OSBP2: variants seen among roughly 807,000 people sequenced by gnomAD.
The protein encoded by OSBP2 is oxysterol-binding protein 2.
OSBP2 carries 66 observed loss-of-function variants against 96.0 expected under a neutral mutation model. The observed-to-expected ratio is 0.69, with a 90% CI of 0.56 to 0.84. The LOEUF (loss-of-function observed/expected upper bound fraction) is 0.84. OSBP2 is among the 40% of genes least tolerant of loss of function. The pLI is 0.00. For synonymous variants in OSBP2, 525 were observed against 520.9 expected, an observed-to-expected ratio of 1.01 and a Z score of -0.11; for missense variants, 1,038 against 1,222.7, an observed-to-expected ratio of 0.85 and a Z score of 2.25.
chr22:30,787,300 G>A (rs2090604631), intron 2 of OSBP2, among the ~76,000 whole-genome samples: 1 of 152,204 alleles, frequency 6.6e-6, no homozygotes, highest in South Asian at 2.1e-4. Flanking sequence ...GCGGCAGGAA[G>A]GAGACGAATG....
chr22:30,810,692 T>C (rs2090994417), intron 2 of OSBP2, among the ~76,000 whole-genome samples: 1 of 152,152 alleles, frequency 6.6e-6, no homozygotes, highest in Admixed American at 6.5e-5. Context: ...CCCGTCACCA[T>C]GGGCGGCTCT....
At chr22:30,694,189 T>C, upstream of OSBP2, 3 of 1,550,186 alleles carry the variant, frequency 1.9e-6, no homozygotes, top group Non-Finnish European at 2.6e-6. Context: ...TTACAAAAAG[T>C]CTTCCCCTAT....
At chr22:30,905,131 C>T (rs1463452376) in intron 12 of OSBP2, among the ~76,000 whole-genome samples, 1 of 130,174 alleles carries the variant, frequency 7.7e-6, no homozygotes, top group African/African-American at 2.9e-5. Context: ...GAGCGAGACC[C>T]GTCTTTTTTT....
intron 2 of OSBP2, among the ~76,000 whole-genome samples, chr22:30,792,179 G>A (rs151252655): frequency 1.6e-3 from 237 of 152,160 alleles, no homozygotes; most frequent in Admixed American, 3.3e-3. Flanking sequence ...CAGGTGTGGT[G>A]GCACATGCCT....
chr22:30,718,324 C>T (rs1295177240), intron 1 of OSBP2, among the ~76,000 whole-genome samples: 1 of 152,210 alleles, frequency 6.6e-6, no homozygotes, highest in Non-Finnish European at 1.5e-5. Context: ...CTGTCACAGC[C>T]TCTAACCTCC....
intron 2 of OSBP2, among the ~76,000 whole-genome samples, chr22:30,861,521 C>T (rs200592324): frequency 6.6e-6 from 1 of 152,166 alleles, no homozygotes; most frequent in African/African-American, 2.4e-5. Context: ...CTTGGGTTTT[C>T]CATCTGCCTG....
chr22:30,717,093 TGTGTGTGTGTGTGTGTGTG>T (rs2089473385), intron 1 of OSBP2, among the ~76,000 whole-genome samples: 1 of 107,752 alleles, frequency 9.3e-6, no homozygotes, highest in East Asian at 3.8e-4. Flanking sequence ...ACTGTTTTTG[TGTGTGTGTGTGTGTGTGTG>T]TGTGTGTGTG....
intron 2 of OSBP2, among the ~76,000 whole-genome samples, chr22:30,783,945 C>A (rs1326084613): frequency 1.3e-5 from 2 of 152,184 alleles, no homozygotes; most frequent in Non-Finnish European, 2.9e-5. Context: ...GACCGTGTTA[C>A]TTGAAAGTGG....
At chr22:30,725,077 G>C (rs112863491) in intron 1 of OSBP2, among the ~76,000 whole-genome samples, 7,486 of 151,392 alleles carry the variant, frequency 0.049, 635 homozygotes, top group African/African-American at 0.17. Context: ...TCGGGAGGCT[G>C]AGGCAGGAGA....
chr22:30,881,789 G>C lies in OSBP2; in HGVS notation c.1108-5637G>C. The C allele has an allele frequency of 7.7e-7, 1 of 1,304,210 alleles. No individual in the cohort carries two copies. The highest frequency in any genetic ancestry group is 1.0e-6 in the Non-Finnish European group (1 of 988,934). The allele number at this position is 1,304,210 out of a possible 1,614,324, so 80.8% of individuals were successfully genotyped here. A position where few individuals can be genotyped will look rare whatever the true frequency, so the allele number is the denominator to read the frequency against. ...GCAGCAGAGGAGACCCTGGGAGTCA[G>C]GGATGGACACCAGGTGGGTGCATCC... On this transcript the variant is annotated intron_variant, in intron 3 of 13. Coordinates refer to ENST00000332585, the MANE Select transcript of OSBP2 (RefSeq NM_030758.4). The surrounding 1 kb of genome is among the most constrained non-coding windows in gnomAD (Gnocchi z 4.5).
intron 1 of OSBP2, among the ~76,000 whole-genome samples, chr22:30,733,457 C>T (rs1041925022): frequency 1.3e-5 from 2 of 152,184 alleles, no homozygotes; most frequent in Non-Finnish European, 2.9e-5. Flanking sequence ...TTTCCCACTG[C>T]TCATTGTTTA....
chr22:30,901,194 G>A (rs1158648677), intron 12 of OSBP2, among the ~76,000 whole-genome samples: 1 of 152,060 alleles, frequency 6.6e-6, no homozygotes, highest in Non-Finnish European at 1.5e-5. Context: ...TCAGCCTCCT[G>A]AGGAGCTGGG....
At chr22:30,730,716 G>GTCTCAC (rs2089736933) in intron 1 of OSBP2, among the ~76,000 whole-genome samples, 22 of 19,964 alleles carry the variant, frequency 1.1e-3, no homozygotes, top group African/African-American at 4.2e-3. Context: ...TCGCTGCCCT[G>GTCTCAC]TCTCTCTCTC....
At chr22:30,701,241 A>G (rs928654642) in intron 1 of OSBP2, among the ~76,000 whole-genome samples, 1 of 152,084 alleles carries the variant, frequency 6.6e-6, no homozygotes, top group Admixed American at 6.6e-5. Context: ...CACCCTTCCC[A>G]TGAACTCAGT....
chr22:30,791,321 CTTTTTTTTTTTT>C (rs869143598), intron 2 of OSBP2, among the ~76,000 whole-genome samples: 795 of 64,054 alleles, frequency 0.012, 10 homozygotes, highest in Non-Finnish European at 0.017. Context: ...GGGGATTCTT[CTTTTTTTTTTTT>C]TTTTTTTTTT....
intron 1 of OSBP2, among the ~76,000 whole-genome samples, chr22:30,735,197 T>C (rs577922640): frequency 6.6e-6 from 1 of 152,214 alleles, no homozygotes; most frequent in African/African-American, 2.4e-5. Flanking sequence ...ATTTCAAAAA[T>C]AAAATAAAAC....
At chr22:30,812,595 C>T (rs191781872) in intron 2 of OSBP2, among the ~76,000 whole-genome samples, 5 of 152,320 alleles carry the variant, frequency 3.3e-5, no homozygotes, top group East Asian at 1.9e-4. Context: ...TCTCCCTCTA[C>T]GTGCATCTTT....
At position 30,766,496 on chromosome 22, in the gene OSBP2, T is replaced by A. The variant is rs151094394; in HGVS notation, c.853+25127T>A. On this transcript the variant is annotated intron_variant, in intron 2 of 13. Transcript: ENST00000332585. ...TCGTCTTGCCTCTGTGCTCTTGAAG[T>A]TTTGAGCCCTTTGCATTTGGCAGTG... 1.4e-4 allele frequency among the ~76,000 whole-genome samples: 22 copies of A among 152,308 alleles called. No individual in the cohort carries two copies. In the East Asian group the frequency reaches 4.1e-3, roughly 28 times the overall value.
intron 3 of OSBP2, among the ~76,000 whole-genome samples, chr22:30,878,109 G>C (rs2039622394): frequency 6.6e-6 from 1 of 152,240 alleles, no homozygotes; most frequent in Non-Finnish European, 1.5e-5. Flanking sequence ...CCACAGGAGG[G>C]GAGGTTGGAG....
Sources: gnomAD v4.1 joint callset for allele counts (sites outside exome capture counted in the v4.1 genomes callset) on GRCh38, gnomAD v4.1.1 for gene constraint, Gnocchi (gnomAD v3.1) non-coding constraint, MANE v1.5 for transcripts, NCBI Gene and HGNC (gene_info 2026-07-23, HGNC 2026-07-21) for gene names.